Variants in PDE4B observed in about 807,000 individuals in gnomAD.
PDE4B encodes phosphodiesterase 4B, also known as 3',5'-cyclic-AMP phosphodiesterase 4B.
PDE4B carries 20 observed loss-of-function variants against 82.2 expected under a neutral mutation model. The ratio of observed to expected loss-of-function variants is 0.24; its 90% confidence interval spans 0.17 to 0.35. The LOEUF (loss-of-function observed/expected upper bound fraction) is 0.35, where lower values mean the gene tolerates loss of function less well. Among genes scored for constraint, PDE4B ranks in the 10% least tolerant of loss-of-function variants. The pLI is 1.00. For missense variants in PDE4B, 655 were observed against 907.2 expected, an observed-to-expected ratio of 0.72 and a Z score of 3.57; for synonymous variants, 320 against 318.9, an observed-to-expected ratio of 1.00 and a Z score of -0.04.
chr1:66,339,830 TTTTG>T (rs1260605818), intron 8 of PDE4B, among the ~76,000 whole-genome samples: 2 of 135,950 alleles, frequency 1.5e-5, no homozygotes, highest in African/African-American at 2.9e-5. Flanking sequence ...TTTAGTTTTT[TTTTG>T]TTTGTTTTTT....
At chr1:65,969,024 A>T (rs2997090) in intron 3 of PDE4B, among the ~76,000 whole-genome samples, 148,945 of 152,208 alleles carry the variant, frequency 0.98, 72,958 homozygotes, top group Middle Eastern at 1. Context: ...ATAGAATGTA[A>T]CAAATTATCT....
At chr1:65,944,894 C>G (rs1007898631) in intron 3 of PDE4B, among the ~76,000 whole-genome samples, 2 of 151,908 alleles carry the variant, frequency 1.3e-5, no homozygotes, top group African/African-American at 4.8e-5. Context: ...AAAGCTATAG[C>G]TGCTACCTGG....
intron 1 of PDE4B, among the ~76,000 whole-genome samples, chr1:65,829,268 A>G (rs530137849): frequency 6.6e-6 from 1 of 152,188 alleles, no homozygotes; most frequent in Non-Finnish European, 1.5e-5. Context: ...AGAAGATATA[A>G]TCCTGAATGT....
At chr1:66,317,806 G>A (rs1659129257) in intron 7 of PDE4B, among the ~76,000 whole-genome samples, 1 of 152,168 alleles carries the variant, frequency 6.6e-6, no homozygotes, top group Non-Finnish European at 1.5e-5. Flanking sequence ...GCTGATGTAG[G>A]AGGATCACTT....
intron 7 of PDE4B, chr1:66,266,733 G>C: frequency 1.9e-6 from 1 of 519,974 alleles, no homozygotes; most frequent in South Asian, 1.4e-5. Flanking sequence ...CACCTTGAAG[G>C]AACACCATGG....
At chr1:65,903,483 A>C (rs1569623723) in intron 1 of PDE4B, among the ~76,000 whole-genome samples, 1 of 152,090 alleles carries the variant, frequency 6.6e-6, no homozygotes, top group East Asian at 1.9e-4. Context: ...GTCCCTGCTC[A>C]TTTGAGAGGC....
intron 3 of PDE4B, among the ~76,000 whole-genome samples, chr1:66,209,769 A>G (rs1159980378): frequency 6.6e-6 from 1 of 152,206 alleles, no homozygotes; most frequent in Non-Finnish European, 1.5e-5. Context: ...TATAAAAGGA[A>G]TAGTACAGTA....
intron 3 of PDE4B, among the ~76,000 whole-genome samples, chr1:66,204,068 C>G (rs1190319635): frequency 6.6e-6 from 1 of 152,212 alleles, no homozygotes; most frequent in Non-Finnish European, 1.5e-5. Flanking sequence ...TTCTAACAGA[C>G]AGGACCCTCA....
At chr1:66,135,965 CT>C (rs1646047437) in intron 3 of PDE4B, among the ~76,000 whole-genome samples, 1 of 152,178 alleles carries the variant, frequency 6.6e-6, no homozygotes, top group East Asian at 1.9e-4. Flanking sequence ...CCAATGTAAT[CT>C]GGTATTGGGT....
intron 3 of PDE4B, among the ~76,000 whole-genome samples, chr1:66,070,635 A>G (rs1417867004): frequency 1.3e-5 from 2 of 152,166 alleles, no homozygotes; most frequent in Admixed American, 6.6e-5. Context: ...AACAATTACC[A>G]TAAAATATCG....
intron 7 of PDE4B, among the ~76,000 whole-genome samples, chr1:66,290,393 T>C (rs1377392941): frequency 6.6e-6 from 1 of 152,172 alleles, no homozygotes. Context: ...ATCCTCTTAG[T>C]AACCTTATGA....
chr1:66,097,843 A>T (rs533396227), intron 3 of PDE4B, among the ~76,000 whole-genome samples: 1 of 147,284 alleles, frequency 6.8e-6, no homozygotes, highest in African/African-American at 2.5e-5. Flanking sequence ...TTTTTAGATA[A>T]TACATTGTTT....
At chr1:65,908,353 G>A (rs535398625) in intron 1 of PDE4B, among the ~76,000 whole-genome samples, 106 of 152,212 alleles carry the variant, frequency 7.0e-4, no homozygotes, top group African/African-American at 2.6e-3. Context: ...GATTCACATA[G>A]CAGAATTTAG....
intron 1 of PDE4B, among the ~76,000 whole-genome samples, chr1:65,824,344 T>C (rs1285215841): frequency 6.6e-6 from 1 of 152,028 alleles, no homozygotes; most frequent in East Asian, 1.9e-4. Context: ...CTTAAGACCA[T>C]AGATACATTA....
At chr1:65,910,049 A>G (rs1393509903) in intron 1 of PDE4B, among the ~76,000 whole-genome samples, 1 of 152,228 alleles carries the variant, frequency 6.6e-6, no homozygotes, top group Non-Finnish European at 1.5e-5. Context: ...TAACCAGTAG[A>G]GTGCATGCCT....
intron 8 of PDE4B, among the ~76,000 whole-genome samples, chr1:66,349,947 A>G (rs952826235): frequency 6.6e-6 from 1 of 152,218 alleles, no homozygotes; most frequent in South Asian, 2.1e-4. Context: ...CACTAAAGAA[A>G]CTGAGCCCCA....
rs372981864 is a variant in PDE4B, at chr1:66,040,158, G to A, written c.281+121323G>A. Among the ~76,000 whole-genome samples, 122 of 152,114 alleles carry A rather than the reference G, an allele frequency of 8.0e-4. 3 individuals are homozygous for A. In the South Asian group the frequency reaches 0.025, roughly 31 times the overall value. On this transcript the variant is annotated intron_variant, in intron 3 of 16. Coordinates refer to ENST00000341517, the MANE Select transcript of PDE4B (RefSeq NM_002600.4). ...ATCTTTTAACTTTTTCAATGAGGAC[G>A]ACTATTGTATTGGCAGAAAGAGTGC...
chr1:66,286,438 T>C (rs1157123409), intron 7 of PDE4B, among the ~76,000 whole-genome samples: 2 of 152,178 alleles, frequency 1.3e-5, no homozygotes, highest in Non-Finnish European at 2.9e-5. Context: ...GGGTTTTTCC[T>C]GCATTACTTT....
rs561547215 is a variant in PDE4B at position 66,210,525 on chromosome 1, A to G, written c.282-36935A>G. ...GCAGGAGAATCGCTTGAACCCGGGAAGCGTAGGTTGCAGTGAGCCAAGATC... is the reference window on the plus strand; with the variant it reads ...GCAGGAGAATCGCTTGAACCCGGGAGGCGTAGGTTGCAGTGAGCCAAGATC... On this transcript the variant is annotated intron_variant, in intron 3 of 16. Coordinates refer to ENST00000341517, the MANE Select transcript of PDE4B (RefSeq NM_002600.4). 3.6e-5 allele frequency among the ~76,000 whole-genome samples: 5 copies of G among 139,356 alleles called. No homozygotes were observed. In the South Asian group the frequency reaches 1.2e-3, roughly 33 times the overall value. 91.4% of individuals were successfully genotyped at this position (139,356 alleles called of 152,430 possible). A position where few individuals can be genotyped will look rare whatever the true frequency, so the allele number is the denominator to read the frequency against.
Sources: gnomAD v4.1 joint callset for allele counts (sites outside exome capture counted in the v4.1 genomes callset) on GRCh38, gnomAD v4.1.1 for gene constraint, MANE v1.5 for transcripts, NCBI Gene and HGNC (gene_info 2026-07-23, HGNC 2026-07-21) for gene names.